ODF2L: variants seen among roughly 807,000 people sequenced by gnomAD.
ODF2L encodes the protein outer dense fiber of sperm tails 2 like.
Under a neutral mutation model 86.3 loss-of-function variants are expected in ODF2L, and 76 were observed. The ratio of observed to expected loss-of-function variants is 0.88; its 90% CI spans 0.73 to 1.07. The LOEUF is 1.07. ODF2L is among the 50% of genes least tolerant of loss of function. The pLI, the probability that ODF2L is intolerant of heterozygous loss-of-function variation, is 0.00. For missense variants in ODF2L, 748 were observed against 717.4 expected, an observed-to-expected ratio of 1.04 and a Z score of -0.49; for synonymous variants, 241 against 231.3, an observed-to-expected ratio of 1.04 and a Z score of -0.38.
intron 7 of ODF2L, among the ~76,000 whole-genome samples, chr1:86,378,777 G>C (rs1660357526): frequency 6.6e-6 from 1 of 152,006 alleles, no homozygotes; most frequent in African/African-American, 2.4e-5. Context: ...CTCCCACCAG[G>C]TCTCTCCCTA....
chr1:86,396,140 C>T (rs959292715), exon 1 of ODF2L: 1 of 152,432 alleles, frequency 6.6e-6, no homozygotes, highest in Non-Finnish European at 1.5e-5. Context: ...CCGTGGCAAT[C>T]CTTCTTGTGC....
intron 1 of ODF2L, among the ~76,000 whole-genome samples, chr1:86,391,621 G>A (rs761375505): frequency 1.3e-5 from 2 of 152,088 alleles, no homozygotes; most frequent in South Asian, 2.1e-4. Flanking sequence ...TTGGCAAGCC[G>A]CATGTAGGAG....
chr1:86,372,475 C>T (rs421105), exon 9 of ODF2L: 1,013,973 of 1,509,982 alleles, frequency 0.67, 343,027 homozygotes, highest in East Asian at 0.84. Context: ...TTTTTTCTAT[C>T]ACAATTTTCT....
chr1:86,366,334 G>C (rs1046207984), intron 11 of ODF2L, among the ~76,000 whole-genome samples: 1 of 150,948 alleles, frequency 6.6e-6, no homozygotes, highest in Admixed American at 6.6e-5. Context: ...TGGGAGGATC[G>C]CTTGAGCCCA....
chr1:86,357,468 C>T (rs180928706), intron 13 of ODF2L, among the ~76,000 whole-genome samples: 187 of 150,910 alleles, frequency 1.2e-3, no homozygotes, highest in African/African-American at 4.3e-3. Flanking sequence ...TTGGACTGCT[C>T]CTTTAAAAAA....
chr1:86,392,696 A>G (rs1661417448), intron 1 of ODF2L, among the ~76,000 whole-genome samples: 1 of 152,066 alleles, frequency 6.6e-6, no homozygotes, highest in Non-Finnish European at 1.5e-5. Context: ...ATAAAAGACT[A>G]CCAATTGGAA....
At chr1:86,348,979 T>C (rs1000306890), downstream of ODF2L, 3 of 1,238,124 alleles carry the variant, frequency 2.4e-6, no homozygotes, top group African/African-American at 3.2e-5. Context: ...ACTAGATAAT[T>C]CTTTTTGATT....
intron 13 of ODF2L, among the ~76,000 whole-genome samples, chr1:86,356,989 T>G (rs12757799): frequency 6.6e-6 from 1 of 152,226 alleles, no homozygotes; most frequent in Non-Finnish European, 1.5e-5. Flanking sequence ...CTTTTAGTCA[T>G]TCAATCTTAT....
chr1:86,366,227 G>A (rs1434450661), intron 11 of ODF2L, among the ~76,000 whole-genome samples: 1 of 151,918 alleles, frequency 6.6e-6, no homozygotes, highest in Non-Finnish European at 1.5e-5. Context: ...TATCACGAGA[G>A]AGATCTAAAA....
chr1:86,378,979 TC>T lies in ODF2L; in HGVS notation c.625-2562del, dbSNP rs1660376147. Among the ~76,000 whole-genome samples, 4 of 152,234 alleles carry T rather than the reference TC, an allele frequency of 2.6e-5. No individual in the cohort carries two copies. The South Asian group carries it at 8.3e-4, about 32-fold the overall frequency. On this transcript the variant is annotated intron_variant, in intron 7 of 17. Coordinates refer to ENST00000317336, the Ensembl canonical transcript of ODF2L. ...TTCTTATGAATGGTTTACAGCATCC[TC>T]TTGGTGCTGTTCTCCTGATAGTGAG...
chr1:86,393,371 G>T (rs1371086509), intron 1 of ODF2L, among the ~76,000 whole-genome samples: 3 of 143,214 alleles, frequency 2.1e-5, no homozygotes, highest in Non-Finnish European at 4.6e-5. Context: ...GTTTACTAGA[G>T]AGGTAATTGT....
At chr1:86,351,916 AC>A (rs1658164694) in exon 18 of ODF2L, 1 of 1,168,310 alleles carries the variant, frequency 8.6e-7, no homozygotes, top group South Asian at 3.1e-5. Flanking sequence ...TTACAGCAAA[AC>A]CCACCTCATT....
intron 8 of ODF2L, among the ~76,000 whole-genome samples, chr1:86,375,723 G>C (rs1660122315): frequency 1.3e-5 from 2 of 152,130 alleles, no homozygotes; most frequent in Admixed American, 6.5e-5. Flanking sequence ...TAAAGTCATA[G>C]GGTCTAATAA....
At chr1:86,355,011 G>A in intron 14 of ODF2L, 152 bp from the exon 14 acceptor site, 1 of 551,128 alleles carries the variant, frequency 1.8e-6, no homozygotes. Context: ...ATGTTATATT[G>A]TTAAAATGGA....
chr1:86,384,907 C>A, intron 3 of ODF2L, 106 bp from the exon 4 acceptor site: 5 of 816,402 alleles, frequency 6.1e-6, no homozygotes, highest in Non-Finnish European at 8.4e-6. Flanking sequence ...CAAAATCATT[C>A]TTTTGTGCAT....
At chr1:86,365,216 T>C (rs1338716472) in intron 11 of ODF2L, among the ~76,000 whole-genome samples, 1 of 152,182 alleles carries the variant, frequency 6.6e-6, no homozygotes, top group Admixed American at 6.5e-5. Context: ...TACGATAGTA[T>C]TGACATGAGA....
rs187439747 is a variant in ODF2L, at chr1:86,353,162, C to T, written c.1768-178G>A. On this transcript the variant is annotated intron_variant, in intron 16 of 17. Coordinates refer to ENST00000317336, the Ensembl canonical transcript of ODF2L. ...CGTAAGTATATACTATACTTATCTTCGCAGCACTAAATATCTGCAAAATTG... is the reference window on the plus strand; with the variant it reads ...CGTAAGTATATACTATACTTATCTTTGCAGCACTAAATATCTGCAAAATTG... Among the ~76,000 whole-genome samples the T allele has an allele frequency of 1.2e-3, 179 of 152,248 alleles. 1 individual carries two copies. Among genetic ancestry groups the T allele is most frequent in the African/African-American group, 3.9e-3 (162 of 41,548 alleles).
intron 10 of ODF2L, among the ~76,000 whole-genome samples, chr1:86,369,581 G>A (rs1659657228): frequency 6.6e-6 from 1 of 152,274 alleles, no homozygotes; most frequent in African/African-American, 2.4e-5. Flanking sequence ...TCAACATCAA[G>A]ATGAGAAAAG....
chr1:86,369,915 C>T (rs1241643620), intron 10 of ODF2L, among the ~76,000 whole-genome samples: 1 of 152,058 alleles, frequency 6.6e-6, no homozygotes, highest in African/African-American at 2.4e-5. Flanking sequence ...AATTCAGAAC[C>T]TTAAAGCCTG....
Sources: allele counts gnomAD v4.1 joint callset (sites outside exome capture counted in the v4.1 genomes callset), GRCh38; gene constraint gnomAD v4.1.1; transcripts MANE v1.5; gene names NCBI Gene and HGNC (gene_info 2026-07-23, HGNC 2026-07-21).